COL6A5: variants seen among roughly 807,000 people sequenced by gnomAD.
COL6A5 encodes collagen type VI alpha 5 chain.
A neutral mutation model predicts 65.6 loss-of-function variants in COL6A5; 48 were observed. The observed-to-expected ratio is 0.73, with a 90% CI of 0.58 to 0.93. The LOEUF is 0.93. Ranked by LOEUF, COL6A5 falls within the 40% of genes least tolerant of loss-of-function variation. The probability of loss-of-function intolerance (pLI) is 0.00; values close to 1 mark genes in which losing one functional copy is unlikely to be tolerated. For synonymous variants in COL6A5, 291 were observed against 322.8 expected (o/e 0.90, Z 1.05); for missense variants, 914 against 928.3 (o/e 0.98, Z 0.20).
At chr3:130,413,924 A>G in intron 21 of COL6A5, 145 bp from the exon 22 acceptor site, 1 of 660,096 alleles carries the variant, frequency 1.5e-6, no homozygotes, top group South Asian at 1.9e-5. Flanking sequence ...TAGACAGTCT[A>G]GAACTGTAAA....
At chr3:130,350,610 G>A (rs1208441042) in intron 1 of COL6A5, among the ~76,000 whole-genome samples, 4 of 152,170 alleles carry the variant, frequency 2.6e-5, no homozygotes, top group Non-Finnish European at 5.9e-5. Flanking sequence ...CAAGGGATGT[G>A]AAGGACCTCT....
chr3:130,376,931 T>C, intron 3 of COL6A5, 95 bp downstream of exon 3: 1 of 1,339,994 alleles, frequency 7.5e-7, no homozygotes, highest in Non-Finnish European at 9.9e-7. Context: ...GTTTTCATGA[T>C]TAGCCATGTT....
chr3:130,421,426 C>G, intron 27 of COL6A5, 66 bp downstream of exon 27: 1 of 1,443,564 alleles, frequency 6.9e-7, no homozygotes, highest in Middle Eastern at 1.8e-4. Flanking sequence ...CTGAGATAAA[C>G]CTGTAGGTCT....
chr3:130,474,547 A>G (rs1710041327), intron 7 of COL6A5, among the ~76,000 whole-genome samples: 1 of 152,126 alleles, frequency 6.6e-6, no homozygotes. Flanking sequence ...CTCTATAGGT[A>G]AAGGTAAATA....
At chr3:130,470,398 G>A (rs115306241) in intron 6 of COL6A5, among the ~76,000 whole-genome samples, 3 of 151,960 alleles carry the variant, frequency 2.0e-5, no homozygotes, top group Non-Finnish European at 4.4e-5. Context: ...TACACAGTTC[G>A]CAGGAATCTT....
At chr3:130,439,555 G>A in exon 2 of COL6A5, 1 of 1,551,196 alleles carries the variant, frequency 6.4e-7, no homozygotes, top group East Asian at 2.4e-5. Flanking sequence ...GGTGATTCCA[G>A]TTCCTCCAAA....
chr3:130,383,620 C>T (rs1017838869), intron 4 of COL6A5, among the ~76,000 whole-genome samples: 2 of 151,964 alleles, frequency 1.3e-5, no homozygotes, highest in African/African-American at 4.8e-5. Flanking sequence ...TTCAGTATAT[C>T]TGATTTCCTA....
At chr3:130,456,559 G>A (rs1246495124) in intron 5 of COL6A5, among the ~76,000 whole-genome samples, 2 of 151,964 alleles carry the variant, frequency 1.3e-5, no homozygotes, top group East Asian at 3.9e-4. Context: ...TTGCATGCCT[G>A]TATCAAAACA....
At chr3:130,451,189 G>A (rs1002902148) in intron 4 of COL6A5, among the ~76,000 whole-genome samples, 20 of 152,172 alleles carry the variant, frequency 1.3e-4, no homozygotes, top group African/African-American at 3.6e-4. Flanking sequence ...TGGGTCTAGC[G>A]CGACCGGATA....
At chr3:130,452,046 A>C (rs113979277) in intron 4 of COL6A5, among the ~76,000 whole-genome samples, 1 of 152,290 alleles carries the variant, frequency 6.6e-6, no homozygotes, top group Admixed American at 6.5e-5. Context: ...TACTGCCCTG[A>C]ATAGAGTGAC....
At chr3:130,379,572 T>G in exon 4 of COL6A5, 2 of 1,551,432 alleles carry the variant, frequency 1.3e-6, no homozygotes, top group Non-Finnish European at 1.7e-6. Context: ...GCATGCGACT[T>G]GGACTGATGA....
chr3:130,431,993 T>C, intron 1 of COL6A5, 44 bp downstream of exon 33: 1 of 1,534,104 alleles, frequency 6.5e-7, no homozygotes, highest in Non-Finnish European at 8.8e-7. Flanking sequence ...AAGATAGAGG[T>C]AGGTATTGTG....
At chr3:130,423,707 T>C (rs1241036465) in intron 28 of COL6A5, 131 bp from the exon 29 acceptor site, 6 of 594,362 alleles carry the variant, frequency 1.0e-5, no homozygotes, top group Non-Finnish European at 1.7e-5. Flanking sequence ...GTAAGCAATT[T>C]ACCTGACTTC....
chr3:130,417,685 G>A (rs1339594828), intron 24 of COL6A5, among the ~76,000 whole-genome samples: 1 of 152,068 alleles, frequency 6.6e-6, no homozygotes, highest in Non-Finnish European at 1.5e-5. Flanking sequence ...TAACCTCATC[G>A]GAATCTGACT....
At position 130,410,192 on chromosome 3, in the gene COL6A5, A is replaced by G. The variant is rs183402230; in HGVS notation, c.4608+118A>G. On this transcript the variant is annotated intron_variant and NMD_transcript_variant, in intron 19 of 41. Coordinates refer to the COL6A5 transcript ENST00000312481. Reference sequence around the variant, plus strand: ...ATGCTCTTAAGACCACATTGAAAAGACCTTTATTTTTTGATGATGCATATT... The same window carrying G: ...ATGCTCTTAAGACCACATTGAAAAGGCCTTTATTTTTTGATGATGCATATT... The G allele has an allele frequency of 7.5e-3, 5,780 of 767,514 alleles. 45 individuals carry two copies. Among genetic ancestry groups the G allele is most frequent in the Non-Finnish European group, 8.0e-3 (3,817 of 476,630 alleles). The allele number at this position is 767,514 out of a possible 1,614,324, so 47.5% of individuals were successfully genotyped here.
intron 5 of COL6A5, among the ~76,000 whole-genome samples, chr3:130,457,392 T>G (rs796836374): frequency 2.4e-4 from 36 of 152,198 alleles, no homozygotes; most frequent in African/African-American, 8.4e-4. Context: ...AGGCCATCTT[T>G]GCATCAGTCA....
intron 3 of COL6A5, among the ~76,000 whole-genome samples, chr3:130,377,258 C>G (rs1473055930): frequency 6.6e-6 from 1 of 152,172 alleles, no homozygotes; most frequent in Non-Finnish European, 1.5e-5. Context: ...GCAGGGTTGA[C>G]AACTTATCTC....
chr3:130,362,756 T>C (rs1935189360), intron 1 of COL6A5, among the ~76,000 whole-genome samples: 1 of 152,194 alleles, frequency 6.6e-6, no homozygotes, highest in Non-Finnish European at 1.5e-5. Flanking sequence ...TTTCTATCCA[T>C]GAACATGGAA....
rs1937513810 is a variant in COL6A5 at position 130,421,324 on chromosome 3, G to C, written c.5002-1G>C. On this transcript the variant is annotated splice_acceptor_variant and NMD_transcript_variant, in intron 26 of 41. Coordinates refer to the COL6A5 transcript ENST00000312481. The stretch of plus-strand genomic sequence containing the variant: ...TTTATGTTCTGTGCTGAAAATTATA[G>C]GGCCCAAGAGGATTCCCTGGAGATG... 6.4e-7 allele frequency: 1 copy of C among 1,550,548 alleles called. No individual in the cohort carries two copies. Among genetic ancestry groups the C allele is most frequent in the Admixed American group, 2.0e-5 (1 of 50,948 alleles).
Sources: allele counts gnomAD v4.1 joint callset (sites outside exome capture counted in the v4.1 genomes callset), GRCh38; gene constraint gnomAD v4.1.1; transcripts MANE v1.5; gene names NCBI Gene and HGNC (gene_info 2026-07-23, HGNC 2026-07-21).